FAAH2: variants seen among roughly 807,000 people sequenced by gnomAD.
FAAH2 encodes fatty-acid amide hydrolase 2.
A neutral mutation model predicts 36.9 loss-of-function variants in FAAH2; 60 were observed. That is an observed-to-expected ratio of 1.63 (90% CI 1.32 to 2.02). The LOEUF is 2.02. Ranked by LOEUF, FAAH2 falls within the 30% of genes most tolerant of loss-of-function variation. The pLI is 0.00. For missense variants in FAAH2, 689 were observed against 397.5 expected (o/e 1.73, Z -6.23); for synonymous variants, 214 against 143.8 (o/e 1.49, Z -3.49).
In FAAH2 at chrX:57,286,816, C is replaced by A; in HGVS notation, c.-10C>A. On this transcript the variant is annotated 5_prime_UTR_variant, in exon 1 of 11. Coordinates refer to ENST00000374900, the MANE Select transcript of FAAH2 (RefSeq NM_174912.4). ...CTCAAGCACTAGGACCGTGCGGAATCCAGGCTGCGATGGCACCTTCATTTA... is the reference window on the plus strand; with the variant it reads ...CTCAAGCACTAGGACCGTGCGGAATACAGGCTGCGATGGCACCTTCATTTA... 1.7e-6 allele frequency: 2 copies of A among 1,173,000 alleles called. No individual in the cohort carries two copies. Among genetic ancestry groups the A allele is most frequent in the Non-Finnish European group, 2.3e-6 (2 of 874,144 alleles).
chrX:57,299,929 A>G (rs1299279680), intron 2 of FAAH2, among the ~76,000 whole-genome samples: 46 of 111,552 alleles, frequency 4.1e-4, no homozygotes, highest in African/African-American at 1.4e-3. Context: ...AAGGAGAACT[A>G]CAAACCACTG....
intron 8 of FAAH2, among the ~76,000 whole-genome samples, chrX:57,435,006 G>A (rs1401142756): frequency 9.0e-6 from 1 of 111,338 alleles, no homozygotes; most frequent in African/African-American, 3.3e-5. Flanking sequence ...CAATAAAAAT[G>A]TTTATATCCA....
At chrX:57,389,454 A>G (rs1308395466) in intron 7 of FAAH2, among the ~76,000 whole-genome samples, 1 of 108,679 alleles carries the variant, frequency 9.2e-6, no homozygotes, top group African/African-American at 3.3e-5. Context: ...AGATTACATA[A>G]ATAAATGATA....
chrX:57,324,989 C>T (rs1277973997), intron 3 of FAAH2, among the ~76,000 whole-genome samples: 1 of 111,939 alleles, frequency 8.9e-6, no homozygotes, highest in Admixed American at 9.5e-5. Context: ...TCATAGATAG[C>T]TCTTAATATT....
At chrX:57,231,994 T>C in the FAAH2 span, among the ~76,000 whole-genome samples, 47 of 111,644 alleles carry the variant, frequency 4.2e-4, no homozygotes, top group African/African-American at 1.5e-3. Flanking sequence ...AATTTCCATA[T>C]GCATGATATG....
At chrX:57,393,364 C>T in intron 7 of FAAH2, 2 of 740,413 alleles carry the variant, frequency 2.7e-6, no homozygotes, top group Non-Finnish European at 4.3e-6. Flanking sequence ...CAAGCACCAC[C>T]ACGTGAGGGT....
chrX:57,342,962 T>C lies in FAAH2; in HGVS notation c.742+1572T>C, dbSNP rs747840030. 1.5e-4 allele frequency among the ~76,000 whole-genome samples: 17 copies of C among 112,013 alleles called. No individual in the cohort carries two copies. The South Asian group carries it at 6.3e-3, about 42-fold the overall frequency. On this transcript the variant is annotated intron_variant, in intron 5 of 10. Coordinates refer to ENST00000374900, the MANE Select transcript of FAAH2 (RefSeq NM_174912.4). ...CTATTGCAAAGGAATATTTTATTCC[T>C]TTTTATGGCTGCATAGTATTTCATG...
intron 7 of FAAH2, among the ~76,000 whole-genome samples, 154 bp from the exon 8 acceptor site, chrX:57,431,764 T>TTTTTTTG (rs2056301205): frequency 7.0e-5 from 1 of 14,277 alleles, no homozygotes; most frequent in Admixed American, 1.8e-3. Flanking sequence ...TTTGTTTTTG[T>TTTTTTTG]TTTTTTGTTT....
At chrX:57,468,425 A>G (rs1194237262) in intron 10 of FAAH2, among the ~76,000 whole-genome samples, 2 of 112,235 alleles carry the variant, frequency 1.8e-5, no homozygotes, top group African/African-American at 6.5e-5. Context: ...GCTGAAAACC[A>G]TGGCATGAGA....
At chrX:57,360,569 C>T (rs534711388) in intron 5 of FAAH2, among the ~76,000 whole-genome samples, 21 of 110,804 alleles carry the variant, frequency 1.9e-4, no homozygotes, top group African/African-American at 6.9e-4. Flanking sequence ...TGTCTGTTTT[C>T]TCTTTTAGTT....
intron 7 of FAAH2, among the ~76,000 whole-genome samples, chrX:57,429,554 A>G (rs2056245452): frequency 8.9e-6 from 1 of 111,811 alleles, no homozygotes; most frequent in South Asian, 3.7e-4. Flanking sequence ...AGTATGGAGA[A>G]AAAAGGAAGC....
At chrX:57,391,782 A>G (rs1275248058) in intron 7 of FAAH2, among the ~76,000 whole-genome samples, 2 of 110,489 alleles carry the variant, frequency 1.8e-5, no homozygotes, top group African/African-American at 3.3e-5. Context: ...CTTTTTATGA[A>G]AAATTTATTT....
rs201888172 is a variant in FAAH2 at position 57,352,071 on chromosome X, T to C, written c.742+10681T>C. On this transcript the variant is annotated intron_variant, in intron 5 of 10. Transcript: ENST00000374900. ...ATGTGTATATATATATATATACACATATATATATGTGTATATATATGCACA... is the reference window on the plus strand; with the variant it reads ...ATGTGTATATATATATATATACACACATATATATGTGTATATATATGCACA... 4.7e-3 allele frequency among the ~76,000 whole-genome samples: 45 copies of C among 9,582 alleles called. 4 individuals carry two copies. The highest frequency in any genetic ancestry group is 0.027 in the Non-Finnish European group (35 of 1,319). 8.3% of individuals were successfully genotyped at this position (9,582 alleles called of 115,157 possible). A position where few individuals can be genotyped will look rare whatever the true frequency, so the allele number is the denominator to read the frequency against.
the FAAH2 span, among the ~76,000 whole-genome samples, chrX:57,122,196 T>A: frequency 8.9e-6 from 1 of 111,984 alleles, no homozygotes; most frequent in Non-Finnish European, 1.9e-5. Flanking sequence ...ATATTAATGC[T>A]CATAGTTTTT....
At chrX:57,126,035 G>A in the FAAH2 span, among the ~76,000 whole-genome samples, 4 of 112,145 alleles carry the variant, frequency 3.6e-5, no homozygotes, top group South Asian at 1.5e-3. Flanking sequence ...ATGAATCTCT[G>A]AAATATGTTT....
intron 10 of FAAH2, among the ~76,000 whole-genome samples, chrX:57,471,595 A>T (rs1364678879): frequency 8.9e-6 from 1 of 112,030 alleles, no homozygotes. Context: ...ATAAAAGAGG[A>T]TGCACATAAA....
chrX:57,366,838 C>T (rs1395989860), intron 5 of FAAH2, among the ~76,000 whole-genome samples: 1 of 112,176 alleles, frequency 8.9e-6, no homozygotes, highest in Non-Finnish European at 1.9e-5. Flanking sequence ...CTGGCCCTGT[C>T]CCACAGGCAA....
intron 5 of FAAH2, among the ~76,000 whole-genome samples, chrX:57,370,654 C>T (rs914867452): frequency 5.3e-5 from 6 of 112,205 alleles, no homozygotes; most frequent in Non-Finnish European, 7.5e-5. Context: ...CAGTCCATCG[C>T]CTGTTAGAAA....
rs931016217 is a variant in FAAH2, at chrX:57,291,599, T to C, written c.193-899T>C. ...TTGGTTTAATCCTTTTCACTTGATG[T>C]AATGTTTATAATTTATCATACTTGC... On this transcript the variant is annotated intron_variant, in intron 1 of 10. Transcript: ENST00000374900. 2.7e-5 allele frequency among the ~76,000 whole-genome samples: 3 copies of C among 112,061 alleles called. No homozygotes were observed. The East Asian group carries it at 8.4e-4, about 31-fold the overall frequency.
Sources: gnomAD v4.1 joint callset for allele counts (sites outside exome capture counted in the v4.1 genomes callset) on GRCh38, gnomAD v4.1.1 for gene constraint, MANE v1.5 for transcripts, NCBI Gene and HGNC (gene_info 2026-07-23, HGNC 2026-07-21) for gene names.